ACACA: variants seen among roughly 807,000 people sequenced by gnomAD.
ACACA encodes the protein acetyl-CoA carboxylase 1.
ACACA carries 103 observed loss-of-function variants against 296.1 expected under a neutral mutation model. That is an observed-to-expected ratio of 0.35 (90% CI 0.30 to 0.41). The LOEUF (loss-of-function observed/expected upper bound fraction) is 0.41, where lower values mean the gene tolerates loss of function less well. Ranked by LOEUF, ACACA falls within the 10% of genes least tolerant of loss-of-function variation. The probability of loss-of-function intolerance (pLI) is 1.00; values close to 1 mark genes in which losing one functional copy is unlikely to be tolerated. For missense variants in ACACA, 1,554 were observed against 2,989.7 expected (o/e 0.52, Z 11.20); for synonymous variants, 953 against 1,038.6 (o/e 0.92, Z 1.58).
At chr17:37,338,631 C>A (rs2048246382) in intron 2 of ACACA, among the ~76,000 whole-genome samples, 1 of 150,666 alleles carries the variant, frequency 6.6e-6, no homozygotes, top group Non-Finnish European at 1.5e-5. Flanking sequence ...AAACAAAAAA[C>A]CTTTAAAGGG....
intron 1 of ACACA, among the ~76,000 whole-genome samples, chr17:37,390,348 G>C: frequency 1.7e-5 from 1 of 57,204 alleles, no homozygotes; most frequent in Admixed American, 2.4e-4. Context: ...GGCCAGCTGG[G>C]CCGGGCACGG....
chr17:37,338,097 AAAAAT>A (rs376387915), intron 2 of ACACA, among the ~76,000 whole-genome samples: 1,984 of 149,028 alleles, frequency 0.013, 52 homozygotes, highest in African/African-American at 0.045. Flanking sequence ...ACTCCGTCTC[AAAAAT>A]AAAATAAAAT....
intron 3 of ACACA, among the ~76,000 whole-genome samples, chr17:37,327,478 G>A (rs146386136): frequency 1.1e-4 from 17 of 152,204 alleles, no homozygotes; most frequent in Admixed American, 3.9e-4. Flanking sequence ...GCTCCTCCAC[G>A]AGCTACGGAC....
intron 1 of ACACA, among the ~76,000 whole-genome samples, chr17:37,394,199 T>C (rs1274151158): frequency 6.6e-6 from 1 of 152,022 alleles, no homozygotes; most frequent in Non-Finnish European, 1.5e-5. Flanking sequence ...AATTATTTGC[T>C]GTTTCTTTTC....
Position 37,129,596 on chromosome 17 carries a change from C to G in ACACA, c.5824-111G>C, listed in dbSNP as rs1421887911. 3 of 1,356,066 alleles carry G rather than the reference C, an allele frequency of 2.2e-6. No homozygotes were observed. In the African/African-American group the frequency reaches 4.3e-5, roughly 19 times the overall value. 84.0% of individuals were successfully genotyped at this position (1,356,066 alleles called of 1,614,324 possible). On this transcript the variant is annotated intron_variant, in intron 46 of 55. Coordinates refer to ENST00000616317, the MANE Select transcript of ACACA (RefSeq NM_198834.3). ...AGCAGGGCCCACGTATGGAATTGCA[C>G]CCAATAGTCCCAATCTTCAGCTGGA...
intron 54 of ACACA, among the ~76,000 whole-genome samples, chr17:37,094,306 TCA>T (rs1383196566): frequency 1.3e-5 from 2 of 152,184 alleles, no homozygotes; most frequent in African/African-American, 4.8e-5. Flanking sequence ...ATTATAGTGC[TCA>T]GTTATATAAT....
At chr17:37,331,355 G>T (rs763159209) in intron 2 of ACACA, among the ~76,000 whole-genome samples, 1 of 150,964 alleles carries the variant, frequency 6.6e-6, no homozygotes, top group Non-Finnish European at 1.5e-5. Context: ...CTGACCTTCC[G>T]CCTCAGCCTC....
rs536183537 is a variant in ACACA at position 37,328,564 on chromosome 17, T to A, written c.338+1609A>T. ...TGACCTCTACATAGCTAAATGAGGGTGACCACTAACGAACACTGCCTAGTC... is the reference window on the plus strand; with the variant it reads ...TGACCTCTACATAGCTAAATGAGGGAGACCACTAACGAACACTGCCTAGTC... On this transcript the variant is annotated intron_variant, in intron 3 of 55. Transcript: ENST00000616317. 272 of 234,356 alleles carry A rather than the reference T, an allele frequency of 1.2e-3. 1 individual carries two copies. The highest frequency in any genetic ancestry group is 1.6e-3 in the Non-Finnish European group (191 of 122,610). The allele number at this position is 234,356 out of a possible 1,614,324, so 14.5% of individuals were successfully genotyped here.
chr17:37,172,670 C>G (rs2076923605), intron 41 of ACACA, among the ~76,000 whole-genome samples: 1 of 152,006 alleles, frequency 6.6e-6, no homozygotes, highest in African/African-American at 2.4e-5. Flanking sequence ...TTTTTCAAAG[C>G]CTTGATGAAA....
intron 45 of ACACA, among the ~76,000 whole-genome samples, chr17:37,139,428 G>T (rs564882583): frequency 1.3e-5 from 2 of 152,212 alleles, no homozygotes; most frequent in Non-Finnish European, 2.9e-5. Flanking sequence ...CCACATGGAT[G>T]AAGTGAGCCA....
chr17:37,130,519 T>C (rs1456630460), intron 45 of ACACA, among the ~76,000 whole-genome samples: 1 of 152,096 alleles, frequency 6.6e-6, no homozygotes, highest in Non-Finnish European at 1.5e-5. Context: ...CATGTATACA[T>C]ATGTAACAAA....
intron 16 of ACACA, among the ~76,000 whole-genome samples, chr17:37,249,705 G>A (rs1056478494): frequency 1.3e-5 from 2 of 152,164 alleles, no homozygotes; most frequent in African/African-American, 4.8e-5. Context: ...AGTTAAAAAA[G>A]CAAGGTAAAT....
rs748653990 is a variant in ACACA, at chr17:37,192,320, C to T, written c.4201-15G>A. ...TCCTCCTCAAACTGAGTACAAGAAT[C>T]AGAGAAAAAACAGCTCACAAGAGGC... On this transcript the variant is annotated splice_polypyrimidine_tract_variant and intron_variant, in intron 36 of 55. Coordinates refer to ENST00000616317, the MANE Select transcript of ACACA (RefSeq NM_198834.3). 6.2e-7 allele frequency: 1 copy of T among 1,612,282 alleles called. No homozygotes were observed. Among genetic ancestry groups the T allele is most frequent in the Non-Finnish European group, 8.5e-7 (1 of 1,179,278 alleles).
intron 50 of ACACA, among the ~76,000 whole-genome samples, chr17:37,116,797 G>A (rs575294174): frequency 6.6e-6 from 1 of 152,296 alleles, no homozygotes; most frequent in South Asian, 2.1e-4. Context: ...AAATCCCTTC[G>A]TATTTAAGAG....
intron 54 of ACACA, among the ~76,000 whole-genome samples, chr17:37,095,443 CTT>C (rs1359361204): frequency 7.2e-5 from 11 of 152,216 alleles, no homozygotes; most frequent in Non-Finnish European, 1.5e-4. Context: ...AATGGGCAGA[CTT>C]AATACAAAGG....
chr17:37,263,197 T>TA, intron 11 of ACACA, among the ~76,000 whole-genome samples: 1 of 152,374 alleles, frequency 6.6e-6, no homozygotes, highest in Non-Finnish European at 1.5e-5. Context: ...TTCAGGCCTC[T>TA]AAACTATAGT....
intron 3 of ACACA, among the ~76,000 whole-genome samples, chr17:37,327,031 T>C (rs1420448761): frequency 6.6e-6 from 1 of 152,184 alleles, no homozygotes; most frequent in Non-Finnish European, 1.5e-5. Context: ...TTACTTCATT[T>C]GGTTTCAGAT....
At chr17:37,395,833 G>A (rs1273245337) in intron 1 of ACACA, among the ~76,000 whole-genome samples, 5 of 152,138 alleles carry the variant, frequency 3.3e-5, no homozygotes, top group Non-Finnish European at 7.4e-5. Context: ...GCGAGCCACC[G>A]CGCCTAGGCT....
chr17:37,150,198 T>G (rs1260713830), intron 44 of ACACA, among the ~76,000 whole-genome samples: 1 of 152,186 alleles, frequency 6.6e-6, no homozygotes, highest in African/African-American at 2.4e-5. Context: ...CCTATCATCC[T>G]AGCACTTTGG....
Sources: allele counts gnomAD v4.1 joint callset (sites outside exome capture counted in the v4.1 genomes callset), GRCh38; gene constraint gnomAD v4.1.1; transcripts MANE v1.5; gene names NCBI Gene and HGNC (gene_info 2026-07-23, HGNC 2026-07-21).